SLC8A1: variants seen among roughly 807,000 people sequenced by gnomAD.
SLC8A1 encodes solute carrier family 8 member A1, also known as sodium/calcium exchanger 1.
Under a neutral mutation model 68.3 loss-of-function variants are expected in SLC8A1, and 18 were observed. The ratio of observed to expected loss-of-function variants is 0.26; its 90% CI spans 0.18 to 0.39. The LOEUF (loss-of-function observed/expected upper bound fraction) is 0.39, where lower values mean the gene tolerates loss of function less well. Among genes scored for constraint, SLC8A1 ranks in the 10% least tolerant of loss-of-function variants. SLC8A1 has a pLI of 1.00. For synonymous variants in SLC8A1, 475 were observed against 415.5 expected (o/e 1.14, Z -1.74); for missense variants, 985 against 1,156.7 (o/e 0.85, Z 2.15).
intron 2 of SLC8A1, among the ~76,000 whole-genome samples, chr2:40,316,589 A>G (rs2074478287): frequency 6.6e-6 from 1 of 152,188 alleles, no homozygotes; most frequent in East Asian, 1.9e-4. Flanking sequence ...ACAACTTTTC[A>G]CAACACAATA....
intron 2 of SLC8A1, among the ~76,000 whole-genome samples, chr2:40,411,534 G>C (rs1407581466): frequency 6.6e-6 from 1 of 151,540 alleles, no homozygotes; most frequent in East Asian, 1.9e-4. Context: ...TGATTTTTTT[G>C]CTTTCTCAAA....
intron 1 of SLC8A1, among the ~76,000 whole-genome samples, chr2:40,484,950 T>C (rs982995609): frequency 6.6e-6 from 1 of 152,210 alleles, no homozygotes; most frequent in African/African-American, 2.4e-5. Flanking sequence ...TGTTACGTGA[T>C]GAAGTCTCTG....
intron 2 of SLC8A1, among the ~76,000 whole-genome samples, chr2:40,316,463 T>C (rs1405490780): frequency 1.3e-5 from 2 of 152,086 alleles, no homozygotes; most frequent in African/African-American, 4.8e-5. Context: ...AAATATTTGA[T>C]AGATAAGTTT....
rs76048890 is a variant in SLC8A1 at position 40,201,532 on chromosome 2, T to A, written c.1809-23677A>T. ...AGGAAACACCAGTCTAAATTGAAGG[T>A]ATAGTATGTCTCCACTTTCCCTGAA... On this transcript the variant is annotated intron_variant, in intron 2 of 7. Coordinates refer to ENST00000406785, the Ensembl canonical transcript of SLC8A1. Among the ~76,000 whole-genome samples the A allele has an allele frequency of 7.6e-3, 1,153 of 152,006 alleles. 21 individuals carry two copies. The highest frequency in any genetic ancestry group is 0.026 in the African/African-American group (1,093 of 41,496).
chr2:40,397,816 C>T (rs1026570418), intron 2 of SLC8A1, among the ~76,000 whole-genome samples: 5 of 152,188 alleles, frequency 3.3e-5, no homozygotes, highest in Admixed American at 2.0e-4. Context: ...AGCATTTGCA[C>T]AGACTTCTAC....
At chr2:40,306,460 G>GGGC (rs1553489864) in intron 2 of SLC8A1, among the ~76,000 whole-genome samples, 86 of 149,320 alleles carry the variant, frequency 5.8e-4, no homozygotes, top group Admixed American at 3.1e-3. Flanking sequence ...TGTGGGGGGG[G>GGGC]GCATAGCGTG....
chr2:40,182,103 C>CT (rs1177062609), intron 2 of SLC8A1, among the ~76,000 whole-genome samples: 4 of 152,036 alleles, frequency 2.6e-5, no homozygotes, highest in African/African-American at 9.7e-5. Flanking sequence ...TGAGAACCTA[C>CT]ATCCATTTTG....
intron 2 of SLC8A1, among the ~76,000 whole-genome samples, chr2:40,232,900 C>A (rs1574434823): frequency 6.7e-6 from 1 of 149,840 alleles, no homozygotes; most frequent in East Asian, 1.9e-4. Flanking sequence ...TTTCCAATTT[C>A]ATCCATGTCC....
At chr2:40,247,042 G>A (rs1247576559) in intron 2 of SLC8A1, among the ~76,000 whole-genome samples, 1 of 152,182 alleles carries the variant, frequency 6.6e-6, no homozygotes, top group Non-Finnish European at 1.5e-5. Context: ...CCATTTTAGT[G>A]TGAAATCATG....
intron 2 of SLC8A1, among the ~76,000 whole-genome samples, chr2:40,289,715 G>A (rs2068944616): frequency 1.3e-5 from 2 of 151,880 alleles, no homozygotes; most frequent in Non-Finnish European, 2.9e-5. Context: ...GAGGGGCTTG[G>A]TGGTGCTTGG....
intron 2 of SLC8A1, among the ~76,000 whole-genome samples, chr2:40,378,749 C>T (rs1680763904): frequency 6.6e-6 from 1 of 152,090 alleles, no homozygotes; most frequent in Non-Finnish European, 1.5e-5. Flanking sequence ...AGGTATCACA[C>T]ACATGCTCCT....
chr2:40,325,778 A>C (rs1246686867), intron 2 of SLC8A1, among the ~76,000 whole-genome samples: 846 of 42,394 alleles, frequency 0.02, 6 homozygotes, highest in African/African-American at 0.14. Context: ...CTAAAAATAC[A>C]AAAAAAAAAA....
At chr2:40,122,119 A>C (rs1453919748) in intron 7 of SLC8A1, among the ~76,000 whole-genome samples, 1 of 152,094 alleles carries the variant, frequency 6.6e-6, no homozygotes, top group Non-Finnish European at 1.5e-5. Flanking sequence ...TGAAGACCTT[A>C]AACAAGCATT....
chr2:40,488,088 T>G (rs868283497), intron 1 of SLC8A1, among the ~76,000 whole-genome samples: 34 of 152,196 alleles, frequency 2.2e-4, no homozygotes, highest in Middle Eastern at 6.8e-3. Context: ...AAGTTTACCC[T>G]TTTAGAAGCA....
chr2:40,504,430 C>A (rs1295793250), intron 1 of SLC8A1, among the ~76,000 whole-genome samples: 1 of 152,092 alleles, frequency 6.6e-6, no homozygotes, highest in South Asian at 2.1e-4. Context: ...CCCACAAGCA[C>A]AGGCAACCAA....
At chr2:40,261,701 ATTAT>A (rs2064724459) in intron 2 of SLC8A1, among the ~76,000 whole-genome samples, 1 of 149,568 alleles carries the variant, frequency 6.7e-6, no homozygotes, top group Non-Finnish European at 1.5e-5. Flanking sequence ...GTGTGAATGA[ATTAT>A]TTAAAGAGAA....
chr2:40,374,930 AT>A (rs1679320367), intron 2 of SLC8A1, among the ~76,000 whole-genome samples: 2 of 152,128 alleles, frequency 1.3e-5, no homozygotes. Context: ...AGCCCCTTAT[AT>A]TTTCATCTTC....
chr2:40,146,397 G>C (rs1026733120), intron 6 of SLC8A1, among the ~76,000 whole-genome samples: 1 of 152,122 alleles, frequency 6.6e-6, no homozygotes, highest in Non-Finnish European at 1.5e-5. Context: ...GTCAGCTCAG[G>C]CTGTTAGGTT....
intron 1 of SLC8A1, among the ~76,000 whole-genome samples, chr2:40,497,527 A>G (rs1705788353): frequency 6.6e-6 from 1 of 152,054 alleles, no homozygotes; most frequent in East Asian, 1.9e-4. Context: ...GTTGAGCCTC[A>G]CAGAAAGAAT....
Sources: allele counts gnomAD v4.1 joint callset (sites outside exome capture counted in the v4.1 genomes callset), GRCh38; gene constraint gnomAD v4.1.1; transcripts MANE v1.5; gene names NCBI Gene and HGNC (gene_info 2026-07-23, HGNC 2026-07-21).